The following TENM2 variants were observed in gnomAD, a reference collection of about 807,000 sequenced individuals.
TENM2 encodes the protein teneurin transmembrane protein 2.
TENM2 carries 52 observed loss-of-function variants against 245.2 expected under a neutral mutation model. The observed-to-expected ratio is 0.21, with a 90% CI of 0.17 to 0.27. TENM2 has a LOEUF of 0.27. Ranked by LOEUF, TENM2 falls within the 10% of genes least tolerant of loss-of-function variation. The probability of loss-of-function intolerance (pLI) is 1.00; values close to 1 mark genes in which losing one functional copy is unlikely to be tolerated. For synonymous variants in TENM2, 1,363 were observed against 1,438.9 expected, an observed-to-expected ratio of 0.95 and a Z score of 1.19; for missense variants, 3,046 against 3,666.8, an observed-to-expected ratio of 0.83 and a Z score of 4.37.
chr5:167,600,072 G>A (rs149418753), intron 2 of TENM2, among the ~76,000 whole-genome samples: 2,289 of 146,618 alleles, frequency 0.016, 118 homozygotes, highest in East Asian at 0.14. Context: ...CTTGAACCCA[G>A]GAGGCGGAGT....
At chr5:167,721,468 C>G (rs1759625311) in intron 2 of TENM2, 1 of 152,186 alleles carries the variant, frequency 6.6e-6, no homozygotes, top group African/African-American at 2.4e-5. Context: ...GGTTTCGTCT[C>G]TTTCTGGAGC....
At chr5:167,876,702 A>AT (rs1773455407) in intron 3 of TENM2, among the ~76,000 whole-genome samples, 1 of 152,178 alleles carries the variant, frequency 6.6e-6, no homozygotes, top group South Asian at 2.1e-4. Context: ...TGACATCAGT[A>AT]CTGAATGTCT....
intron 2 of TENM2, among the ~76,000 whole-genome samples, chr5:167,744,575 C>A (rs2150607998): frequency 6.6e-6 from 1 of 152,264 alleles, no homozygotes; most frequent in Non-Finnish European, 1.5e-5. Context: ...TCTTGCTTCT[C>A]TCCTGGAGAA....
intron 1 of TENM2, among the ~76,000 whole-genome samples, chr5:167,332,598 A>T (rs1201307585): frequency 1.3e-5 from 2 of 152,164 alleles, no homozygotes; most frequent in Non-Finnish European, 2.9e-5. Flanking sequence ...CATCCCCATG[A>T]GTAGCATGCG....
chr5:167,468,777 A>G (rs1409991488), intron 2 of TENM2, among the ~76,000 whole-genome samples: 1 of 152,220 alleles, frequency 6.6e-6, no homozygotes, highest in African/African-American at 2.4e-5. Flanking sequence ...CAAATGAAAT[A>G]TGTGCTGTAT....
At chr5:167,929,959 C>A (rs987312847) in intron 3 of TENM2, among the ~76,000 whole-genome samples, 1 of 152,192 alleles carries the variant, frequency 6.6e-6, no homozygotes, top group Non-Finnish European at 1.5e-5. Context: ...CTTCTGTCCT[C>A]TTCATGCACC....
At chr5:167,433,808 G>C (rs1764383832) in intron 2 of TENM2, among the ~76,000 whole-genome samples, 2 of 152,064 alleles carry the variant, frequency 1.3e-5, no homozygotes, top group East Asian at 1.9e-4. Flanking sequence ...TTCACATTAT[G>C]ATCTTATCTT....
intron 6 of TENM2, among the ~76,000 whole-genome samples, chr5:168,056,594 T>C (rs561794998): frequency 6.6e-6 from 1 of 152,194 alleles, no homozygotes; most frequent in Non-Finnish European, 1.5e-5. Flanking sequence ...ATAGTATAGT[T>C]ACTTTTTTTA....
At chr5:167,583,064 A>G (rs1367258758) in intron 2 of TENM2, among the ~76,000 whole-genome samples, 1 of 152,222 alleles carries the variant, frequency 6.6e-6, no homozygotes, top group East Asian at 1.9e-4. Context: ...TTCATGCACA[A>G]AAAGTGTAGG....
intron 5 of TENM2, among the ~76,000 whole-genome samples, chr5:167,999,531 A>G (rs754975398): frequency 4.6e-5 from 7 of 152,240 alleles, no homozygotes; most frequent in African/African-American, 9.6e-5. Context: ...GAAGACAATT[A>G]CATCATTCAT....
intron 1 of TENM2, among the ~76,000 whole-genome samples, chr5:167,352,805 C>T (rs1011631026): frequency 2.6e-5 from 4 of 152,144 alleles, no homozygotes; most frequent in African/African-American, 7.2e-5. Context: ...TCGGCATTAA[C>T]GCAAAATAAT....
intron 1 of TENM2, among the ~76,000 whole-genome samples, chr5:167,372,415 T>G (rs1470765041): frequency 6.6e-6 from 1 of 152,256 alleles, no homozygotes; most frequent in African/African-American, 2.4e-5. Context: ...GTGTACTCCA[T>G]GTCCTCCCAT....
intron 2 of TENM2, among the ~76,000 whole-genome samples, chr5:167,703,125 C>T (rs1455097194): frequency 6.6e-6 from 1 of 152,170 alleles, no homozygotes. Flanking sequence ...TCTTTCTTCT[C>T]ATGGTATTAT....
intron 2 of TENM2, among the ~76,000 whole-genome samples, chr5:167,376,864 T>G (rs1760782795): frequency 6.6e-6 from 1 of 152,230 alleles, no homozygotes; most frequent in Admixed American, 6.5e-5. Context: ...AGCTTCATTG[T>G]GTGTGTCATA....
At chr5:167,429,768 G>A (rs908037819) in intron 2 of TENM2, among the ~76,000 whole-genome samples, 9 of 151,820 alleles carry the variant, frequency 5.9e-5, no homozygotes, top group East Asian at 3.9e-4. Flanking sequence ...CACCATGTCC[G>A]GCTAATTTTT....
chr5:167,107,056 GC>G, the TENM2 span, among the ~76,000 whole-genome samples: 1 of 148,452 alleles, frequency 6.7e-6, no homozygotes, highest in East Asian at 2.0e-4. Context: ...ACCAGCCTGG[GC>G]AGCATGGCGA....
At chr5:168,182,870 A>G (rs10063149) in intron 13 of TENM2, among the ~76,000 whole-genome samples, 116,776 of 142,502 alleles carry the variant, frequency 0.82, 48,336 homozygotes, top group African/African-American at 0.94. Flanking sequence ...TCACCCTGTC[A>G]CCCAGCCTGG....
At chr5:167,393,943 C>T (rs528170926) in intron 2 of TENM2, among the ~76,000 whole-genome samples, 1 of 152,256 alleles carries the variant, frequency 6.6e-6, no homozygotes, top group East Asian at 1.9e-4. Flanking sequence ...GAAGATTACT[C>T]TCAATCCTGT....
chr5:168,003,984 T>A lies in TENM2; in HGVS notation c.1186+10802T>A, dbSNP rs76426186. The stretch of plus-strand genomic sequence containing the variant: ...CTAATTGATCTCCACGTAATTCAGC[T>A]ACAACCCTTGCTACTGAAAATGATG... On this transcript the variant is annotated intron_variant, in intron 5 of 28. Transcript: ENST00000518659. Among the ~76,000 whole-genome samples the A allele has an allele frequency of 8.2e-3, 1,249 of 152,330 alleles. 16 individuals carry two copies. Among genetic ancestry groups the A allele is most frequent in the African/African-American group, 0.028 (1,164 of 41,578 alleles).
Sources: allele counts gnomAD v4.1 joint callset (sites outside exome capture counted in the v4.1 genomes callset), GRCh38; gene constraint gnomAD v4.1.1; transcripts MANE v1.5; gene names NCBI Gene and HGNC (gene_info 2026-07-23, HGNC 2026-07-21).